Variants in GRIN2C observed in about 807,000 individuals in gnomAD.
GRIN2C encodes glutamate receptor ionotropic, NMDA 2C.
A neutral mutation model predicts 77.7 loss-of-function variants in GRIN2C; 64 were observed. That is an observed-to-expected ratio of 0.82 (90% CI 0.67 to 1.01). GRIN2C has a LOEUF of 1.01. Among genes scored for constraint, GRIN2C ranks in the 50% least tolerant of loss-of-function variants. The pLI is 0.00. For missense variants in GRIN2C, 1,549 were observed against 1,486.0 expected, an observed-to-expected ratio of 1.04 and a Z score of -0.70; for synonymous variants, 792 against 643.4, an observed-to-expected ratio of 1.23 and a Z score of -3.49.
Position 74,849,648 on chromosome 17 carries a change from C to T in GRIN2C, c.1645+132G>A. On this transcript the variant is annotated intron_variant, in intron 7 of 12. Coordinates refer to ENST00000293190, the MANE Select transcript of GRIN2C (RefSeq NM_000835.6). The surrounding 1 kb of genome is among the most constrained non-coding windows in gnomAD (Gnocchi z 4.6). ...CTCCTTTCCACTCACCTCCAGCCAA[C>T]CTCCAAGACCCAAGGCTGCTGTGCT... 1 of 802,762 alleles carries T rather than the reference C, an allele frequency of 1.2e-6. No homozygotes were observed. The highest frequency in any genetic ancestry group is 2.0e-6 in the Non-Finnish European group (1 of 506,964). The allele number at this position is 802,762 out of a possible 1,614,324, so 49.7% of individuals were successfully genotyped here. A position where few individuals can be genotyped will look rare whatever the true frequency, so the allele number is the denominator to read the frequency against.
At position 74,850,821 on chromosome 17, in the gene GRIN2C, T is replaced by C; in HGVS notation, c.1114-54A>G. On this transcript the variant is annotated intron_variant, in intron 4 of 12. Transcript: ENST00000293190. The surrounding 1 kb of genome is among the most constrained non-coding windows in gnomAD (Gnocchi z 5.3). The stretch of plus-strand genomic sequence containing the variant: ...GCCTCCAGCCCTACAGCCCCCACCC[T>C]CTAGGTGGAGCCTGCCAGGGCCAAG... 1 of 1,435,888 alleles carries C rather than the reference T, an allele frequency of 7.0e-7. No individual in the cohort carries two copies. The allele number at this position is 1,435,888 out of a possible 1,614,324, so 88.9% of individuals were successfully genotyped here. A position where few individuals can be genotyped will look rare whatever the true frequency, so the allele number is the denominator to read the frequency against.
At chr17:74,860,848 G>A, upstream of GRIN2C, 2 of 289,108 alleles carry the variant, frequency 6.9e-6, no homozygotes, top group South Asian at 3.1e-5. Flanking sequence ...ACTCGCGGCG[G>A]GGGAAGGGGT....
rs778914679 is a variant in GRIN2C at position 74,852,592 on chromosome 17, A to C, written c.419T>G (p.Leu140Arg). Residue 140 changes from leucine to arginine, a missense_variant, in exon 3 of 13, where the codon CTG becomes CGG. Around this residue, in one of 3 missense-constraint regions of GRIN2C, gnomAD observed 382 missense variants for 360.0 expected, o/e 1.06. Transcript: ENST00000293190. ...CTGCTCCAGGGACACGCCCAGCTGC[A>C]GGAAGGCGGAGCCCGGCTCCTGGGG... The part of the protein sequence containing the change: ...LTPKEPGSAF[L>R]QLGVSLEQQL... 2.8e-6 allele frequency: 4 copies of C among 1,421,816 alleles called. No individual in the cohort carries two copies. Among genetic ancestry groups the C allele is most frequent in the Non-Finnish European group, 3.7e-6 (4 of 1,082,624 alleles). 88.1% of individuals were successfully genotyped at this position (1,421,816 alleles called of 1,614,324 possible). A position where few individuals can be genotyped will look rare whatever the true frequency, so the allele number is the denominator to read the frequency against.
chr17:74,851,454 G>A (rs1359286732), intron 4 of GRIN2C, 123 bp downstream of exon 4: 1 of 635,128 alleles, frequency 1.6e-6, no homozygotes, highest in Non-Finnish European at 2.8e-6. Context: ...TGTTTCAGCT[G>A]AGACCTGGAA....
rs189075383 is a variant in GRIN2C, at chr17:74,842,267, T to C, written c.*168A>G. On this transcript the variant is annotated 3_prime_UTR_variant, in exon 13 of 13. Transcript: ENST00000293190. ...GCAAAAGCCCAGCCCTCACCATGATTTGAGGCTACTGAGGTCACTGATGAC... is the reference window on the plus strand; with the variant it reads ...GCAAAAGCCCAGCCCTCACCATGATCTGAGGCTACTGAGGTCACTGATGAC... 1,939 of 566,416 alleles carry C rather than the reference T, an allele frequency of 3.4e-3. 12 individuals are homozygous for C. The highest frequency in any genetic ancestry group is 7.7e-3 in the South Asian group (338 of 44,140). The allele number at this position is 566,416 out of a possible 1,614,324, so 35.1% of individuals were successfully genotyped here.
upstream of GRIN2C, among the ~76,000 whole-genome samples, chr17:74,860,059 G>A (rs1312942046): frequency 6.8e-6 from 1 of 146,888 alleles, no homozygotes; most frequent in Non-Finnish European, 1.5e-5. Flanking sequence ...CCCGAGTCCC[G>A]CAGTGGGGGG....
intron 1 of GRIN2C, among the ~76,000 whole-genome samples, chr17:74,855,423 G>A (rs1413790024): frequency 6.6e-6 from 1 of 152,218 alleles, no homozygotes; most frequent in Non-Finnish European, 1.5e-5. Flanking sequence ...GCCCTAGGAA[G>A]TCATACTGAA....
Position 74,852,407 on chromosome 17 carries a change from C to A in GRIN2C, c.604G>T (p.Glu202Ter). The A allele has an allele frequency of 6.7e-7, 1 of 1,494,140 alleles. No homozygotes were observed. Among genetic ancestry groups the A allele is most frequent in the East Asian group, 2.7e-5 (1 of 36,714 alleles). The allele number at this position is 1,494,140 out of a possible 1,614,324, so 92.6% of individuals were successfully genotyped here. A position where few individuals can be genotyped will look rare whatever the true frequency, so the allele number is the denominator to read the frequency against. The part of the protein sequence containing the change: ...SWRLLDVVTL[E>*]LGPGGPRART... Reference sequence around the variant, plus strand: ...GCGCGCGGCCCTCCCGGGCCCAGCTCCAGCGTGACCACGTCCAGCAGCCGC... The same window carrying A: ...GCGCGCGGCCCTCCCGGGCCCAGCTACAGCGTGACCACGTCCAGCAGCCGC... Residue 202 changes from glutamate to a stop codon, truncating the protein, a stop_gained, in exon 3 of 13, where the codon GAG becomes TAG. Coordinates refer to ENST00000293190, the MANE Select transcript of GRIN2C (RefSeq NM_000835.6). LOFTEE classifies it high-confidence loss of function.
chr17:74,855,425 C>A (rs559747544), intron 1 of GRIN2C, among the ~76,000 whole-genome samples: 2 of 152,290 alleles, frequency 1.3e-5, no homozygotes, highest in South Asian at 4.1e-4. Flanking sequence ...CCTAGGAAGT[C>A]ATACTGAAAA....
At position 74,847,625 on chromosome 17, in the gene GRIN2C, G is replaced by A. The variant is rs1015224301; in HGVS notation, c.1772-88C>T. The A allele has an allele frequency of 2.6e-5, 27 of 1,053,854 alleles. No homozygotes were observed. The highest frequency in any genetic ancestry group is 1.1e-4 in the African/African-American group (7 of 63,374). 65.3% of individuals were successfully genotyped at this position (1,053,854 alleles called of 1,614,324 possible). A position where few individuals can be genotyped will look rare whatever the true frequency, so the allele number is the denominator to read the frequency against. On this transcript the variant is annotated intron_variant, in intron 8 of 12. Coordinates refer to ENST00000293190, the MANE Select transcript of GRIN2C (RefSeq NM_000835.6). This position sits in a 1 kb window ranked among gnomAD's most constrained non-coding sequence, Gnocchi z 5.2. ...TCAGCCCACCCGACTGCACAGCTCC[G>A]GTCTCAGCCTGGCCTTGGGGGGGAC...
rs755199141 is a variant in GRIN2C at position 74,854,724 on chromosome 17, G to A, written c.369C>T (p.Ser123=). The change falls in exon 2 of 13, where the codon AGC becomes AGT. Residue 123 remains serine (S), a synonymous_variant. Coordinates refer to ENST00000293190, the MANE Select transcript of GRIN2C (RefSeq NM_000835.6). ...SQTHVPILSI[S]GGSAVVLTPK... is the part of the protein sequence containing the mutation. ...GGGTGAGGACCACAGCAGAGCCTCC[G>A]CTGATGCTGAGGATGGGCACATGGG... 41 of 1,610,058 alleles carry A rather than the reference G, an allele frequency of 2.5e-5. No homozygotes were observed. Among genetic ancestry groups the A allele is most frequent in the South Asian group, 2.1e-4 (19 of 90,896 alleles).
chr17:74,847,448 G>A lies in GRIN2C; in HGVS notation c.1861C>T (p.Arg621Trp), dbSNP rs758944848. 1.1e-5 allele frequency: 18 copies of A among 1,613,722 alleles called. No homozygotes were observed. The highest frequency in any genetic ancestry group is 8.3e-5 in the Admixed American group (5 of 60,004). ...FNNSVPIENPRGTTSKIMVLV... is the reference protein window; with the variant it reads ...FNNSVPIENPWGTTSKIMVLV... ...ACCATGATCTTGCTGGTGGTGCCCC[G>A]CGGGTTCTCGATGGGCACTGAGTTG... The change falls in exon 9 of 13, where the codon CGG becomes TGG. Residue 621 changes from arginine (R) to tryptophan (W), a missense_variant. Physicochemically the swap from Arg to Trp is moderately radical, Grantham distance 101. Coordinates refer to ENST00000293190, the MANE Select transcript of GRIN2C (RefSeq NM_000835.6). The surrounding 1 kb of genome is among the most constrained non-coding windows in gnomAD (Gnocchi z 5.2).
rs933980527 is a variant in GRIN2C, at chr17:74,852,303, G to A, written c.708C>T (p.Leu236=). Residue 236 remains leucine (L), a synonymous_variant, in exon 3 of 13, where the codon CTC becomes CTT. Coordinates refer to ENST00000293190, the MANE Select transcript of GRIN2C (RefSeq NM_000835.6). ...AYCSREEAEV[L]FAEAAQAGLV... is the part of the protein sequence containing the mutation. The stretch of plus-strand genomic sequence containing the variant: ...GACCGGCCTGCGCCGCCTCGGCGAA[G>A]AGCACCTCGGCCTCCTCGCGCGAGC... The A allele has an allele frequency of 2.8e-6, 4 of 1,437,394 alleles. No individual in the cohort carries two copies. Among genetic ancestry groups the A allele is most frequent in the Non-Finnish European group, 3.6e-6 (4 of 1,102,206 alleles). The allele number at this position is 1,437,394 out of a possible 1,614,324, so 89.0% of individuals were successfully genotyped here.
rs1246002325 is a variant in GRIN2C at position 74,843,488 on chromosome 17, G to A, written c.2649C>T (p.Asp883=). 6.5e-7 allele frequency: 1 copy of A among 1,533,914 alleles called. No individual in the cohort carries two copies. Among genetic ancestry groups the A allele is most frequent in the South Asian group, 1.2e-5 (1 of 83,934 alleles). ...LASPPRQASP[D]LTASSAQASV... is the part of the protein sequence containing the mutation. ...TGGCCTGGGCCGAGCTGGCCGTGAG[G>A]TCCGGGCTGGCCTGCCGCGGTGGGC... The change falls in exon 13 of 13, where the codon GAC becomes GAT. Residue 883 remains aspartate (D), a synonymous_variant. Coordinates refer to ENST00000293190, the MANE Select transcript of GRIN2C (RefSeq NM_000835.6).
chr17:74,860,543 GA>G (rs1198833546), upstream of GRIN2C: 2 of 454,394 alleles, frequency 4.4e-6, no homozygotes, highest in African/African-American at 4.0e-5. Context: ...GCGTAGGCAG[GA>G]AACAGGAGAC....
Position 74,847,719 on chromosome 17 carries a change from G to T in GRIN2C, c.1771+133C>A. 1.1e-6 allele frequency: 1 copy of T among 924,796 alleles called. No homozygotes were observed. The highest frequency in any genetic ancestry group is 1.7e-6 in the Non-Finnish European group (1 of 598,386). 57.3% of individuals were successfully genotyped at this position (924,796 alleles called of 1,614,324 possible). On this transcript the variant is annotated intron_variant, in intron 8 of 12. Transcript: ENST00000293190. This position sits in a 1 kb window ranked among gnomAD's most constrained non-coding sequence, Gnocchi z 5.2. ...GTGTTTCTGTGTGTGTGTGTCATCT[G>T]ACTGGCCCCCAGCATGTGCCATCCA... is the stretch of plus-strand genomic sequence containing the variant.
chr17:74,852,246 G>C lies in GRIN2C; in HGVS notation c.765C>G (p.Pro255=). The change falls in exon 3 of 13, where the codon CCC becomes CCG. Residue 255 remains proline, a synonymous_variant. Coordinates refer to ENST00000293190, the MANE Select transcript of GRIN2C (RefSeq NM_000835.6). ...LVGPGHVWLV[P]NLALGSTDAP... ...CATCGGTGCTGCCCAGCGCCAGGTT[G>C]GGCACCAGCCACACGTGGCCGGGCC... The C allele has an allele frequency of 7.1e-7, 1 of 1,402,478 alleles. No individual in the cohort carries two copies. The highest frequency in any genetic ancestry group is 1.5e-5 in the South Asian group (1 of 66,172). The allele number at this position is 1,402,478 out of a possible 1,614,324, so 86.9% of individuals were successfully genotyped here.
rs2037900768 is a variant in GRIN2C at position 74,859,470 on chromosome 17, G to A, written c.-16+274C>T. Among the ~76,000 whole-genome samples the A allele has an allele frequency of 6.6e-6, 1 of 152,030 alleles. No individual in the cohort carries two copies. The highest frequency in any genetic ancestry group is 2.1e-4 in the South Asian group (1 of 4,812). On this transcript the variant is annotated intron_variant, in intron 1 of 12. Transcript: ENST00000293190. The surrounding 1 kb of genome is among the most constrained non-coding windows in gnomAD (Gnocchi z 5.9). The stretch of plus-strand genomic sequence containing the variant: ...CCCAGGCTAGGAAACTCTGTCGCAG[G>A]AGTCCTCCCCACCCACCAGCAGAAC...
At position 74,842,990 on chromosome 17, in the gene GRIN2C, C is replaced by CAGCTCCGGGGGCTCCGGG. The variant is rs772361476; in HGVS notation, c.3146_3147insCCCGGAGCCCCCGGAGCT (p.Leu1049_Glu1050insProGluProProGluLeu). On this transcript the variant is annotated inframe_insertion, in exon 13 of 13. Coordinates refer to ENST00000293190, the MANE Select transcript of GRIN2C (RefSeq NM_000835.6). ...CCGGACCGAGCAGCGGCAGGTCCTC[C>CAGCTCCGGGGGCTCCGGG]AGCTCCGGGAAGAGCGGGAGGAAGG... is the stretch of plus-strand genomic sequence containing the variant. 6.9e-6 allele frequency: 2 copies of CAGCTCCGGGGGCTCCGGG among 291,400 alleles called. No individual in the cohort carries two copies. Among genetic ancestry groups the CAGCTCCGGGGGCTCCGGG allele is most frequent in the East Asian group, 5.2e-5 (1 of 19,174 alleles). The allele number at this position is 291,400 out of a possible 1,614,324, so 18.1% of individuals were successfully genotyped here.
Sources: gnomAD v4.1 joint callset for allele counts (sites outside exome capture counted in the v4.1 genomes callset) on GRCh38, gnomAD v4.1.1 for gene constraint, gnomAD v4.1.1 regional missense constraint, Gnocchi (gnomAD v3.1) non-coding constraint, MANE v1.5 for transcripts, NCBI Gene and HGNC (gene_info 2026-07-23, HGNC 2026-07-21) for gene names.